LBH: variants seen among roughly 807,000 people sequenced by gnomAD.
LBH encodes the protein protein LBH.
A neutral mutation model predicts 12.5 loss-of-function variants in LBH; 7 were observed. The observed-to-expected ratio is 0.56, with a 90% CI of 0.32 to 1.05. The LOEUF is 1.05. LBH is among the 50% of genes least tolerant of loss of function. The pLI, the probability that LBH is intolerant of heterozygous loss-of-function variation, is 0.04. For synonymous variants in LBH, 51 were observed against 50.1 expected (o/e 1.02, Z -0.08); for missense variants, 119 against 138.9 (o/e 0.86, Z 0.72).
At chr2:30,233,863 T>C (rs1399982693) in intron 1 of LBH, among the ~76,000 whole-genome samples, 1 of 152,226 alleles carries the variant, frequency 6.6e-6, no homozygotes, top group Non-Finnish European at 1.5e-5. Context: ...AAGTGGAACA[T>C]TTTGCCAAAA....
chr2:30,242,922 A>G (rs922111775), intron 2 of LBH, among the ~76,000 whole-genome samples: 1 of 152,226 alleles, frequency 6.6e-6, no homozygotes, highest in African/African-American at 2.4e-5. Flanking sequence ...AGAATTACTG[A>G]TTCAAAGAGA....
intron 1 of LBH, chr2:30,233,010 C>G (rs1312287990): frequency 6.6e-6 from 1 of 152,338 alleles, no homozygotes; most frequent in African/African-American, 2.4e-5. Flanking sequence ...GGCTTGTGTA[C>G]CCTTCTTGTG....
intron 2 of LBH, 94 bp downstream of exon 2, chr2:30,234,601 A>G (rs926702977): frequency 1.2e-6 from 1 of 831,118 alleles, no homozygotes; most frequent in Admixed American, 2.0e-5. Flanking sequence ...AGTGCCACAT[A>G]TAAGAGCTGT....
intron 2 of LBH, among the ~76,000 whole-genome samples, chr2:30,243,977 C>T (rs1319544670): frequency 6.6e-6 from 1 of 152,204 alleles, no homozygotes; most frequent in Non-Finnish European, 1.5e-5. Context: ...TCCACATACT[C>T]CTGATGGTTT....
At position 30,231,713 on chromosome 2, in the gene LBH, C is replaced by T. The variant is rs372955335; in HGVS notation, c.-26C>T. 9.9e-5 allele frequency: 157 copies of T among 1,587,840 alleles called. No homozygotes were observed. Among genetic ancestry groups the T allele is most frequent in the Middle Eastern group, 3.3e-4 (2 of 6,028 alleles). Reference sequence around the variant, plus strand: ...AGGGACCGTTTTTAAATCACAGGGGCGTGTGTCAGCCTGCCCTAGGACTTC... The same window carrying T: ...AGGGACCGTTTTTAAATCACAGGGGTGTGTGTCAGCCTGCCCTAGGACTTC... On this transcript the variant is annotated 5_prime_UTR_variant, in exon 1 of 3. Transcript: ENST00000395323.
chr2:30,242,958 AT>A (rs1677814267), intron 2 of LBH, among the ~76,000 whole-genome samples: 1 of 152,242 alleles, frequency 6.6e-6, no homozygotes, highest in Non-Finnish European at 1.5e-5. Context: ...CCTTCTGATT[AT>A]ATGTTACCTT....
intron 2 of LBH, among the ~76,000 whole-genome samples, chr2:30,250,422 C>T (rs1263144569): frequency 2.6e-5 from 4 of 151,978 alleles, no homozygotes. Flanking sequence ...TGCTGGTGTC[C>T]GCTTTCCCTA....
intron 1 of LBH, chr2:30,232,175 A>G (rs980697860): frequency 8.4e-5 from 111 of 1,327,888 alleles, no homozygotes; most frequent in Non-Finnish European, 9.3e-5. Flanking sequence ...GCAAGTCTCA[A>G]CGTCGAGGCC....
chr2:30,250,070 C>T (rs545452449), intron 2 of LBH, among the ~76,000 whole-genome samples: 3 of 152,146 alleles, frequency 2.0e-5, no homozygotes, highest in African/African-American at 4.8e-5. Context: ...AGGGTCATAG[C>T]GATAATAAAA....
At chr2:30,246,456 CATTT>C (rs1677870625) in intron 2 of LBH, among the ~76,000 whole-genome samples, 1 of 152,154 alleles carries the variant, frequency 6.6e-6, no homozygotes, top group African/African-American at 2.4e-5. Context: ...TTTACTTATT[CATTT>C]AGAGTAACAA....
chr2:30,247,599 G>A, intron 2 of LBH, among the ~76,000 whole-genome samples: 1 of 152,196 alleles, frequency 6.6e-6, no homozygotes, highest in East Asian at 1.9e-4. Context: ...TCCGTGGCAT[G>A]AGCGGCTAGT....
intron 2 of LBH, among the ~76,000 whole-genome samples, chr2:30,250,434 T>C (rs906256160): frequency 2.6e-5 from 4 of 152,006 alleles, no homozygotes; most frequent in African/African-American, 4.8e-5. Flanking sequence ...CTTTCCCTAT[T>C]AGCATCTCTC....
chr2:30,239,662 C>A (rs542956050), intron 2 of LBH, among the ~76,000 whole-genome samples: 1 of 152,132 alleles, frequency 6.6e-6, no homozygotes, highest in East Asian at 1.9e-4. Flanking sequence ...CTACTCCCCC[C>A]ACCCGCCTCT....
chr2:30,234,369 T>G, intron 1 of LBH, 36 bp from the exon 2 acceptor site: 1 of 1,491,558 alleles, frequency 6.7e-7, no homozygotes, highest in Non-Finnish European at 9.4e-7. Flanking sequence ...TGAAAGCGCG[T>G]GTGTTTGTTG....
chr2:30,252,661 C>CA (rs563770027), intron 2 of LBH, among the ~76,000 whole-genome samples: 506 of 131,320 alleles, frequency 3.9e-3, no homozygotes, highest in Middle Eastern at 7.2e-3. Context: ...GACTCCGTCT[C>CA]AAAAAAAAAA....
intron 2 of LBH, among the ~76,000 whole-genome samples, chr2:30,243,894 C>T (rs988059856): frequency 5.9e-5 from 9 of 152,106 alleles, no homozygotes; most frequent in Non-Finnish European, 7.4e-5. Flanking sequence ...CGAAGGGCCA[C>T]GTACCCAACA....
intron 2 of LBH, among the ~76,000 whole-genome samples, chr2:30,243,768 A>G (rs1221126645): frequency 5.3e-5 from 8 of 151,998 alleles, no homozygotes; most frequent in Non-Finnish European, 1.2e-4. Flanking sequence ...ACCTCAGGTG[A>G]TCCACCTGCC....
chr2:30,234,836 A>G (rs149332100), intron 2 of LBH, among the ~76,000 whole-genome samples: 149 of 152,298 alleles, frequency 9.8e-4, no homozygotes, highest in African/African-American at 3.1e-3. Context: ...TCACCGCAGC[A>G]AAGGAGGAAA....
intron 2 of LBH, among the ~76,000 whole-genome samples, chr2:30,235,012 A>G (rs532456079): frequency 6.6e-6 from 1 of 152,284 alleles, no homozygotes; most frequent in African/African-American, 2.4e-5. Context: ...ATTCAGAGTT[A>G]ACATTCAAAC....
Sources: allele counts gnomAD v4.1 joint callset (sites outside exome capture counted in the v4.1 genomes callset), GRCh38; gene constraint gnomAD v4.1.1; transcripts MANE v1.5; gene names NCBI Gene and HGNC (gene_info 2026-07-23, HGNC 2026-07-21).